Variants in FOXK1 observed in about 807,000 individuals in gnomAD.
FOXK1 encodes the protein forkhead box protein K1.
Under a neutral mutation model 51.9 loss-of-function variants are expected in FOXK1, and 19 were observed. The ratio of observed to expected loss-of-function variants is 0.37; its 90% confidence interval spans 0.26 to 0.54. FOXK1 has a LOEUF of 0.54. Among genes scored for constraint, FOXK1 ranks in the 20% least tolerant of loss-of-function variants. The pLI is 0.87. For missense variants in FOXK1, 870 were observed against 1,032.7 expected (o/e 0.84, Z 2.16); for synonymous variants, 537 against 482.6 (o/e 1.11, Z -1.48).
Position 4,735,182 on chromosome 7 carries a change from C to A in FOXK1, c.561-5656C>A, listed in dbSNP as rs1051236183. ...CCAGTTCCAGCTCGCTGTGTAGAGACGGCTCTGTGGTCTGAGGCTGAGCCA... is the reference window on the plus strand; with the variant it reads ...CCAGTTCCAGCTCGCTGTGTAGAGAAGGCTCTGTGGTCTGAGGCTGAGCCA... On this transcript the variant is annotated intron_variant, in intron 1 of 8. Coordinates refer to ENST00000328914, the MANE Select transcript of FOXK1 (RefSeq NM_001037165.2). This position sits in a 1 kb window ranked among gnomAD's most constrained non-coding sequence, Gnocchi z 4.7. 6.6e-6 allele frequency among the ~76,000 whole-genome samples: 1 copy of A among 151,922 alleles called. No individual in the cohort carries two copies. Among genetic ancestry groups the A allele is most frequent in the African/African-American group, 2.4e-5 (1 of 41,340 alleles).
intron 1 of FOXK1, among the ~76,000 whole-genome samples, chr7:4,727,618 T>A (rs1356115356): frequency 3.9e-5 from 6 of 152,172 alleles, no homozygotes. Flanking sequence ...CCGGCCTGAT[T>A]TTGCAGGTTG....
intron 1 of FOXK1, among the ~76,000 whole-genome samples, chr7:4,738,750 A>C (rs1780591055): frequency 6.6e-6 from 1 of 152,124 alleles, no homozygotes; most frequent in African/African-American, 2.4e-5. Flanking sequence ...CCTGGTGCCC[A>C]CAGGCCTGAC....
rs1015549803 is a variant in FOXK1 at position 4,729,537 on chromosome 7, G to T, written c.561-11301G>T. Among the ~76,000 whole-genome samples the T allele has an allele frequency of 6.6e-6, 1 of 152,186 alleles. No individual in the cohort carries two copies. The highest frequency in any genetic ancestry group is 1.5e-5 in the Non-Finnish European group (1 of 68,024). Reference sequence around the variant, plus strand: ...GGGGTGCTCAGGACTGCCGGGCCCCGGGAGCCCCACCCGGCAGGACACACA... The same window carrying T: ...GGGGTGCTCAGGACTGCCGGGCCCCTGGAGCCCCACCCGGCAGGACACACA... On this transcript the variant is annotated intron_variant, in intron 1 of 8. Transcript: ENST00000328914. The surrounding 1 kb of genome is among the most constrained non-coding windows in gnomAD (Gnocchi z 6.2).
intron 1 of FOXK1, among the ~76,000 whole-genome samples, chr7:4,719,448 G>T (rs755060222): frequency 6.6e-6 from 1 of 151,386 alleles, no homozygotes; most frequent in African/African-American, 2.4e-5. Context: ...GGAGTAGGTA[G>T]CTGTCTTAGC....
rs145875348 is a variant in FOXK1 at position 4,761,264 on chromosome 7, A to C, written c.1897A>C (p.Asn633His). Residue 633 changes from asparagine to histidine, a missense_variant, in exon 8 of 9, where the codon AAC becomes CAC. By Grantham distance (68) the Asn-to-His change is moderately conservative. Around this residue, in one of 3 missense-constraint regions of FOXK1, gnomAD observed 457 missense variants for 510.8 expected, o/e 0.89. Coordinates refer to ENST00000328914, the MANE Select transcript of FOXK1 (RefSeq NM_001037165.2). This position sits in a 1 kb window ranked among gnomAD's most constrained non-coding sequence, Gnocchi z 6.2. ...GAACGGAAAGCATGCGGTTCCCACG[A>C]ACAGTTTAGCCGGCAACGCTTACGG... ...TQNGKHAVPT[N>H]SLAGNAYALT... is the part of the protein sequence containing the mutation. 2 of 1,612,756 alleles carry C rather than the reference A, an allele frequency of 1.2e-6. No homozygotes were observed. Among genetic ancestry groups the C allele is most frequent in the African/African-American group, 2.7e-5 (2 of 74,920 alleles).
At chr7:4,702,723 G>A (rs951483651) in intron 1 of FOXK1, among the ~76,000 whole-genome samples, 10 of 152,316 alleles carry the variant, frequency 6.6e-5, no homozygotes, top group Admixed American at 1.3e-4. Context: ...GATCCTGTTT[G>A]TGTTTTCCAC....
rs1344763773 is a variant in FOXK1, at chr7:4,748,465, C to G, written c.747-5994C>G. 6.6e-6 allele frequency among the ~76,000 whole-genome samples: 1 copy of G among 152,208 alleles called. No homozygotes were observed. The highest frequency in any genetic ancestry group is 2.1e-4 in the South Asian group (1 of 4,822). On this transcript the variant is annotated intron_variant, in intron 2 of 8. Transcript: ENST00000328914. This position sits in a 1 kb window ranked among gnomAD's most constrained non-coding sequence, Gnocchi z 4.9. ...CTTCCTTGTACTTTTGGCTTATTTCCGCCACACTCCCCCCGCTCTTGGGGT... is the reference window on the plus strand; with the variant it reads ...CTTCCTTGTACTTTTGGCTTATTTCGGCCACACTCCCCCCGCTCTTGGGGT...
chr7:4,696,831 G>T (rs1361535365), intron 1 of FOXK1, among the ~76,000 whole-genome samples: 8 of 152,218 alleles, frequency 5.3e-5, no homozygotes, highest in Non-Finnish European at 1.5e-5. Context: ...ACTTTGGGAG[G>T]CTGAGGTGGG....
Position 4,759,202 on chromosome 7 carries a change from T to A in FOXK1, c.1396T>A (p.Ser466Thr). The change falls in exon 6 of 9, where the codon TCC becomes ACC. Residue 466 changes from serine to threonine, a missense_variant. By Grantham distance (58) the Ser-to-Thr change is moderately conservative. Transcript: ENST00000328914. ...KLASVPEYRY[S>T]QSAPGSPVSA... ...AGCTTCTGTCCCAGAGTACCGGTAT[T>A]CCCAAAGCGCACCCGGTAAGGAGCG... 1 of 1,578,562 alleles carries A rather than the reference T, an allele frequency of 6.3e-7. No homozygotes were observed. The highest frequency in any genetic ancestry group is 8.6e-7 in the Non-Finnish European group (1 of 1,161,364).
chr7:4,692,136 A>T (rs1339090983), intron 1 of FOXK1, among the ~76,000 whole-genome samples: 1 of 152,194 alleles, frequency 6.6e-6, no homozygotes, highest in Non-Finnish European at 1.5e-5. Context: ...ATGAAAAAAA[A>T]ACTATATACC....
At position 4,722,608 on chromosome 7, in the gene FOXK1, C is replaced by G. The variant is rs928394088; in HGVS notation, c.561-18230C>G. On this transcript the variant is annotated intron_variant, in intron 1 of 8. Transcript: ENST00000328914. The surrounding 1 kb of genome is among the most constrained non-coding windows in gnomAD (Gnocchi z 5.1). ...GTATACAACGGGCACACATGCACGT[C>G]AGCCGCACACTCATGCACGTTCATG... Among the ~76,000 whole-genome samples the G allele has an allele frequency of 3.9e-5, 6 of 152,252 alleles. No individual in the cohort carries two copies. Among genetic ancestry groups the G allele is most frequent in the African/African-American group, 1.4e-4 (6 of 41,466 alleles).
rs1470066625 is a variant in FOXK1 at position 4,703,602 on chromosome 7, T to A, written c.560+20734T>A. 6.6e-6 allele frequency among the ~76,000 whole-genome samples: 1 copy of A among 152,172 alleles called. No homozygotes were observed. The highest frequency in any genetic ancestry group is 1.5e-5 in the Non-Finnish European group (1 of 68,020). ...CTTAGGGTTGGGGACAGAACATCAT[T>A]AAGAATTGTTTTTATATCTGGCAAA... On this transcript the variant is annotated intron_variant, in intron 1 of 8. Transcript: ENST00000328914. The surrounding 1 kb of genome is among the most constrained non-coding windows in gnomAD (Gnocchi z 5.6).
chr7:4,705,517 T>TCTCTCTCTCTCTCTC (rs1780072758), intron 1 of FOXK1, among the ~76,000 whole-genome samples: 6 of 111,492 alleles, frequency 5.4e-5, no homozygotes, highest in African/African-American at 1.7e-4. Flanking sequence ...TTCCTTCTCT[T>TCTCTCTCTCTCTCTC]TCTCTCTCTC....
intron 1 of FOXK1, among the ~76,000 whole-genome samples, chr7:4,713,375 G>GA (rs1056858612): frequency 3.3e-5 from 5 of 149,300 alleles, no homozygotes; most frequent in African/African-American, 7.7e-5. Context: ...TGGTGTCGCG[G>GA]AAAAAACGAA....
rs768925427 is a variant in FOXK1, at chr7:4,761,122, C to T, written c.1755C>T (p.Ile585=). The part of the protein sequence containing the change: ...FATIPAAGGV[I]QTVASQMAPG... ...CAATCCCCGCGGCTGGTGGAGTCAT[C>T]CAGACGGTGGCCAGCCAGATGGCCC... The change falls in exon 8 of 9, where the codon ATC becomes ATT. Residue 585 remains isoleucine (I), a synonymous_variant. Coordinates refer to ENST00000328914, the MANE Select transcript of FOXK1 (RefSeq NM_001037165.2). This position sits in a 1 kb window ranked among gnomAD's most constrained non-coding sequence, Gnocchi z 6.2. 1 of 1,612,958 alleles carries T rather than the reference C, an allele frequency of 6.2e-7. No homozygotes were observed. Among genetic ancestry groups the T allele is most frequent in the South Asian group, 1.1e-5 (1 of 91,078 alleles).
intron 1 of FOXK1, among the ~76,000 whole-genome samples, chr7:4,738,664 C>T (rs77011492): frequency 0.051 from 7,693 of 152,222 alleles, 254 homozygotes; most frequent in Admixed American, 0.091. Flanking sequence ...AAGATTCACT[C>T]GCTGGGCCGT....
chr7:4,743,823 G>T lies in FOXK1; in HGVS notation c.746+2800G>T, dbSNP rs183341196. On this transcript the variant is annotated intron_variant, in intron 2 of 8. Transcript: ENST00000328914. The surrounding 1 kb of genome is among the most constrained non-coding windows in gnomAD (Gnocchi z 5.3). ...GAGGAAGGGCTAGGCCAGCGCCCCC[G>T]CCTTAGCCTGGGAGTGGGTTATTAA... Among the ~76,000 whole-genome samples, 2 of 152,070 alleles carry T rather than the reference G, an allele frequency of 1.3e-5. No individual in the cohort carries two copies. Among genetic ancestry groups the T allele is most frequent in the Non-Finnish European group, 2.9e-5 (2 of 68,012 alleles).
chr7:4,700,322 T>G (rs28534602), intron 1 of FOXK1, among the ~76,000 whole-genome samples: 10,765 of 152,262 alleles, frequency 0.071, 1,163 homozygotes, highest in African/African-American at 0.24. Context: ...AGGAGAGATC[T>G]GAATGCAAAA....
Position 4,735,132 on chromosome 7 carries a change from G to A in FOXK1, c.561-5706G>A, listed in dbSNP as rs865922413. On this transcript the variant is annotated intron_variant, in intron 1 of 8. Transcript: ENST00000328914. This position sits in a 1 kb window ranked among gnomAD's most constrained non-coding sequence, Gnocchi z 4.7. The stretch of plus-strand genomic sequence containing the variant: ...GCACATGACATGCCCCAAGTCACTC[G>A]GGCTCAGCACTGGTGGAGCGGTGGC... Among the ~76,000 whole-genome samples, 9 of 152,118 alleles carry A rather than the reference G, an allele frequency of 5.9e-5. No homozygotes were observed. Among genetic ancestry groups the A allele is most frequent in the Admixed American group, 2.0e-4 (3 of 15,256 alleles).
Sources: gnomAD v4.1 joint callset for allele counts (sites outside exome capture counted in the v4.1 genomes callset) on GRCh38, gnomAD v4.1.1 for gene constraint, gnomAD v4.1.1 regional missense constraint, Gnocchi (gnomAD v3.1) non-coding constraint, MANE v1.5 for transcripts, NCBI Gene and HGNC (gene_info 2026-07-23, HGNC 2026-07-21) for gene names.